The following NUP93 variants were observed in gnomAD, a reference collection of about 807,000 sequenced individuals.
NUP93 encodes nucleoporin 93.
NUP93 carries 55 observed loss-of-function variants against 107.8 expected under a neutral mutation model. That is an observed-to-expected ratio of 0.51 (90% CI 0.41 to 0.64). NUP93 has a LOEUF of 0.64. Ranked by LOEUF, NUP93 falls within the 30% of genes least tolerant of loss-of-function variation. NUP93 has a pLI of 0.00. For missense variants in NUP93, 937 were observed against 1,044.7 expected, an observed-to-expected ratio of 0.90 and a Z score of 1.42; for synonymous variants, 390 against 397.5, an observed-to-expected ratio of 0.98 and a Z score of 0.22.
intron 8 of NUP93, among the ~76,000 whole-genome samples, chr16:56,826,655 G>A (rs1963666593): frequency 6.6e-6 from 1 of 152,060 alleles, no homozygotes; most frequent in South Asian, 2.1e-4. Context: ...TGAAAAAGGA[G>A]GGGAGGACCC....
In NUP93 at chr16:56,845,604, G is replaced by C. The variant is rs558340537; in HGVS notation, c.*995G>C. On this transcript the variant is annotated 3_prime_UTR_variant, in exon 22 of 22. Transcript: ENST00000308159. ...AGTCCCAAAGCCCTAGACTAAACCA[G>C]AGAGCAAATTAGGTCGTGTTTGTTC... 1 of 152,336 alleles carries C rather than the reference G, an allele frequency of 6.6e-6. No individual in the cohort carries two copies. The highest frequency in any genetic ancestry group is 2.4e-5 in the African/African-American group (1 of 41,584). The allele number at this position is 152,336 out of a possible 1,614,324, so 9.4% of individuals were successfully genotyped here.
Position 56,814,735 on chromosome 16 carries a change from GA to G in NUP93, c.490-3928del, listed in dbSNP as rs1362576400. Among the ~76,000 whole-genome samples the G allele has an allele frequency of 2.6e-5, 4 of 152,178 alleles. No homozygotes were observed. The East Asian group carries it at 7.7e-4, about 29-fold the overall frequency. On this transcript the variant is annotated intron_variant, in intron 5 of 21. Coordinates refer to ENST00000308159, the MANE Select transcript of NUP93 (RefSeq NM_014669.5). ...CATATCTGTCTCCAGACTCCTGGGT[GA>G]GCTGCTTGTTTTCTTCTAAAAGAAG...
At chr16:56,808,532 AGT>A (rs2144582077) in intron 5 of NUP93, among the ~76,000 whole-genome samples, 1 of 126,284 alleles carries the variant, frequency 7.9e-6, no homozygotes, top group African/African-American at 3.1e-5. Flanking sequence ...ATATAAATAT[AGT>A]TATATAACTA....
intron 3 of NUP93, among the ~76,000 whole-genome samples, chr16:56,760,429 A>G (rs1000426359): frequency 7.2e-5 from 11 of 152,178 alleles, no homozygotes; most frequent in Admixed American, 6.5e-5. Context: ...AAGAGGTTCA[A>G]TTGGCTCACG....
At chr16:56,815,899 G>GCTGCTGCTGCTGGTGC (rs1555495759) in intron 5 of NUP93, among the ~76,000 whole-genome samples, 21 of 95,982 alleles carry the variant, frequency 2.2e-4, no homozygotes, top group Admixed American at 1.1e-4. Flanking sequence ...GCTGCTGCTG[G>GCTGCTGCTGCTGGTGC]TGCTGCTGCT....
intron 1 of NUP93, among the ~76,000 whole-genome samples, chr16:56,734,777 C>T (rs1399942360): frequency 2.6e-5 from 4 of 152,194 alleles, no homozygotes; most frequent in South Asian, 2.1e-4. Flanking sequence ...GACAATGCCA[C>T]GGTTTTAGAC....
chr16:56,798,561 A>G lies in NUP93; in HGVS notation c.360+23A>G, dbSNP rs369698861. 6 of 1,589,860 alleles carry G rather than the reference A, an allele frequency of 3.8e-6. No homozygotes were observed. In the African/African-American group the frequency reaches 8.1e-5, roughly 21 times the overall value. On this transcript the variant is annotated intron_variant, in intron 4 of 21. Coordinates refer to ENST00000308159, the MANE Select transcript of NUP93 (RefSeq NM_014669.5). ...AGGGTAAGAAAATTAACCAAAATGT[A>G]GATGTATACAGATGAGGGCAAGAGG...
chr16:56,736,922 A>G (rs1457594975), intron 1 of NUP93, among the ~76,000 whole-genome samples: 1 of 152,228 alleles, frequency 6.6e-6, no homozygotes, highest in East Asian at 1.9e-4. Flanking sequence ...TGAAAAGTAG[A>G]AAAGTCTCCC....
intron 7 of NUP93, among the ~76,000 whole-genome samples, chr16:56,822,806 A>T (rs1471669319): frequency 1.3e-5 from 2 of 152,010 alleles, no homozygotes; most frequent in African/African-American, 4.8e-5. Flanking sequence ...TTTAAATACT[A>T]AAATATAAGA....
At chr16:56,756,307 C>A (rs1189465483) in intron 2 of NUP93, among the ~76,000 whole-genome samples, 10 of 95,250 alleles carry the variant, frequency 1.0e-4, no homozygotes, top group Non-Finnish European at 1.9e-4. Flanking sequence ...CCCCCCCCCC[C>A]CCGACAGGCT....
intron 3 of NUP93, 79 bp from the exon 4 acceptor site, chr16:56,798,397 G>C: frequency 8.5e-7 from 1 of 1,177,414 alleles, no homozygotes; most frequent in South Asian, 1.3e-5. Flanking sequence ...ATACCATTAT[G>C]GTTATTGTTT....
At chr16:56,743,860 G>C (rs985591365) in intron 1 of NUP93, among the ~76,000 whole-genome samples, 2 of 152,142 alleles carry the variant, frequency 1.3e-5, no homozygotes, top group East Asian at 3.8e-4. Context: ...TTTCTGTGGA[G>C]GCTCAGTAGC....
rs547767649 is a variant in NUP93, at chr16:56,773,051, A to G, written c.297+14396A>G. On this transcript the variant is annotated intron_variant, in intron 3 of 21. Coordinates refer to ENST00000308159, the MANE Select transcript of NUP93 (RefSeq NM_014669.5). ...AAGGAAGTCTTCTGTGTTGATTGTC[A>G]TTGTGTGGTGAGAGCAGAGTAGACA... Among the ~76,000 whole-genome samples, 4 of 152,290 alleles carry G rather than the reference A, an allele frequency of 2.6e-5. No homozygotes were observed. The South Asian group carries it at 6.2e-4, about 24-fold the overall frequency.
rs560746224 is a variant in NUP93, at chr16:56,810,629, A to G, written c.489+4997A>G. Among the ~76,000 whole-genome samples the G allele has an allele frequency of 3.3e-5, 5 of 152,332 alleles. 1 individual carries two copies. In the East Asian group the frequency reaches 9.6e-4, roughly 29 times the overall value. On this transcript the variant is annotated intron_variant, in intron 5 of 21. Coordinates refer to ENST00000308159, the MANE Select transcript of NUP93 (RefSeq NM_014669.5). Reference sequence around the variant, plus strand: ...CCTGTACACCCAGCCTGGGCAACACAGTGAGACTCTGTCTCAAAAAATTAA... The same window carrying G: ...CCTGTACACCCAGCCTGGGCAACACGGTGAGACTCTGTCTCAAAAAATTAA...
At chr16:56,789,092 A>G (rs1036331002) in intron 3 of NUP93, among the ~76,000 whole-genome samples, 3 of 152,102 alleles carry the variant, frequency 2.0e-5, no homozygotes, top group Admixed American at 1.3e-4. Context: ...ATAGACTTAC[A>G]TTAGTGTCTC....
intron 2 of NUP93, among the ~76,000 whole-genome samples, chr16:56,755,537 A>G (rs1489442307): frequency 1.3e-5 from 2 of 152,078 alleles, no homozygotes; most frequent in Non-Finnish European, 2.9e-5. Context: ...ATATTCTAAA[A>G]TTGATTGTAG....
chr16:56,825,205 CTT>C (rs34378384), intron 8 of NUP93, among the ~76,000 whole-genome samples: 1,312 of 76,348 alleles, frequency 0.017, 15 homozygotes, highest in African/African-American at 0.065. Flanking sequence ...CCATACCCAG[CTT>C]TTTTTTTTTT....
chr16:56,817,984 GACTGTATTTTT>G (rs1163673931), intron 5 of NUP93, among the ~76,000 whole-genome samples: 1 of 152,132 alleles, frequency 6.6e-6, no homozygotes, highest in Non-Finnish European at 1.5e-5. Context: ...AGTAATATAT[GACTGTATTTTT>G]ATTGCACTCT....
chr16:56,780,034 C>T (rs1329326166), intron 3 of NUP93, among the ~76,000 whole-genome samples: 1 of 152,192 alleles, frequency 6.6e-6, no homozygotes, highest in African/African-American at 2.4e-5. Context: ...GCTTCTTGTA[C>T]TGGTTCAGAG....
Sources: gnomAD v4.1 joint callset for allele counts (sites outside exome capture counted in the v4.1 genomes callset) on GRCh38, gnomAD v4.1.1 for gene constraint, MANE v1.5 for transcripts, NCBI Gene and HGNC (gene_info 2026-07-23, HGNC 2026-07-21) for gene names.